The following PNLIP variants were observed in gnomAD, a reference collection of about 807,000 sequenced individuals.
The protein encoded by PNLIP is pancreatic triacylglycerol lipase.
A neutral mutation model predicts 57.1 loss-of-function variants in PNLIP; 49 were observed. The observed-to-expected ratio is 0.86, with a 90% CI of 0.68 to 1.09. The LOEUF is 1.09. Among genes scored for constraint, PNLIP ranks in the 50% least tolerant of loss-of-function variants. The pLI is 0.00. For missense variants in PNLIP, 503 were observed against 570.2 expected (o/e 0.88, Z 1.20); for synonymous variants, 209 against 200.4 (o/e 1.04, Z -0.36).
intron 12 of PNLIP, among the ~76,000 whole-genome samples, chr10:116,564,133 C>G (rs1040311873): frequency 6.6e-6 from 1 of 152,028 alleles, no homozygotes; most frequent in African/African-American, 2.4e-5. Flanking sequence ...TCAAAATGCT[C>G]AAACCAGGTA....
chr10:116,546,031 C>T (rs1847119020), intron 1 of PNLIP, 62 bp from the exon 2 acceptor site: 7 of 1,460,442 alleles, frequency 4.8e-6, no homozygotes, highest in Non-Finnish European at 6.7e-6. Context: ...TCTAAATGAA[C>T]TAAAACTTGC....
At position 116,555,499 on chromosome 10, in the gene PNLIP, T is replaced by A; in HGVS notation, c.803T>A (p.Ile268Asn). ...ILSQIVDIDG[I>N]WEGTRDFAAC... ...TCTCAGATTGTGGACATAGACGGAA[T>A]CTGGGAAGGTAGAACTATTATGTGT... The change falls in exon 8 of 13, where the codon ATC becomes AAC. Residue 268 changes from isoleucine to asparagine, a missense_variant. Coordinates refer to ENST00000369221, the MANE Select transcript of PNLIP (RefSeq NM_000936.4). 1 of 1,614,108 alleles carries A rather than the reference T, an allele frequency of 6.2e-7. No homozygotes were observed. Among genetic ancestry groups the A allele is most frequent in the Non-Finnish European group, 8.5e-7 (1 of 1,179,980 alleles).
intron 10 of PNLIP, among the ~76,000 whole-genome samples, chr10:116,559,501 C>T (rs1342044932): frequency 2.0e-5 from 3 of 152,048 alleles, no homozygotes; most frequent in African/African-American, 7.2e-5. Context: ...AAATAAGTTT[C>T]TTCATATTTG....
Position 116,550,613 on chromosome 10 carries a change from A to G in PNLIP, c.325-485A>G, listed in dbSNP as rs1483363722. On this transcript the variant is annotated intron_variant, in intron 4 of 12. Transcript: ENST00000369221. ...AAACTTATTTACCTTCAATGTATTT[A>G]TATAAGGGGTCCTAACATTGTCTTT... is the stretch of plus-strand genomic sequence containing the variant. 2.0e-5 allele frequency among the ~76,000 whole-genome samples: 3 copies of G among 152,338 alleles called. No individual in the cohort carries two copies. In the East Asian group the frequency reaches 5.8e-4, roughly 29 times the overall value.
intron 10 of PNLIP, among the ~76,000 whole-genome samples, chr10:116,559,636 C>T (rs1847292225): frequency 6.6e-6 from 1 of 152,004 alleles, no homozygotes; most frequent in Non-Finnish European, 1.5e-5. Flanking sequence ...AGAGAGATGG[C>T]AGAGGTTGTG....
chr10:116,565,702 C>T (rs2133210401), intron 12 of PNLIP, among the ~76,000 whole-genome samples: 1 of 152,206 alleles, frequency 6.6e-6, no homozygotes, highest in South Asian at 2.1e-4. Flanking sequence ...AGTGATTCAC[C>T]CACCTCGACC....
Position 116,565,681 on chromosome 10 carries a change from A to C in PNLIP, c.1335-2054A>C, listed in dbSNP as rs531450508. Among the ~76,000 whole-genome samples the C allele has an allele frequency of 2.0e-5, 3 of 152,240 alleles. No individual in the cohort carries two copies. In the East Asian group the frequency reaches 5.8e-4, roughly 29 times the overall value. On this transcript the variant is annotated intron_variant, in intron 12 of 12. Transcript: ENST00000369221. Reference sequence around the variant, plus strand: ...CACCATGTTGGTCAGGCTAGTCTCAAACTGACCTCAAGTGATTCACCCACC... The same window carrying C: ...CACCATGTTGGTCAGGCTAGTCTCACACTGACCTCAAGTGATTCACCCACC...
In PNLIP at chr10:116,559,185, G is replaced by A. The variant is rs754724329; in HGVS notation, c.962G>A (p.Cys321Tyr). 2.5e-6 allele frequency: 4 copies of A among 1,613,094 alleles called. No homozygotes were observed. The highest frequency in any genetic ancestry group is 3.4e-6 in the Non-Finnish European group (4 of 1,179,618). Residue 321 changes from cysteine (C) to tyrosine (Y), a missense_variant, in exon 10 of 13, where the codon TGC becomes TAC. Coordinates refer to ENST00000369221, the MANE Select transcript of PNLIP (RefSeq NM_000936.4). ...NKCFPCPSGGCPQMGHYADRY... is the reference protein window; with the variant it reads ...NKCFPCPSGGYPQMGHYADRY... The stretch of plus-strand genomic sequence containing the variant: ...TGTTTCCCTTGTCCAAGTGGAGGCT[G>A]CCCACAGATGGGTCACTATGCTGAT...
At chr10:116,557,857 A>G (rs1013698005) in intron 9 of PNLIP, among the ~76,000 whole-genome samples, 1 of 152,172 alleles carries the variant, frequency 6.6e-6, no homozygotes, top group African/African-American at 2.4e-5. Flanking sequence ...TCCAGGTATC[A>G]GCCTCACAGT....
rs1323715124 is a variant in PNLIP at position 116,545,973 on chromosome 10, T to A, written c.-1+15T>A. 2.4e-6 allele frequency: 2 copies of A among 837,952 alleles called. No homozygotes were observed. The highest frequency in any genetic ancestry group is 4.0e-6 in the Non-Finnish European group (2 of 497,002). 51.9% of individuals were successfully genotyped at this position (837,952 alleles called of 1,614,324 possible). On this transcript the variant is annotated intron_variant, in intron 1 of 12. Transcript: ENST00000369221. ...GAACTGCCACGGTGAGTCGGGAACA[T>A]GTTTTCCAGGCCTAATTGATCAGAA... is the stretch of plus-strand genomic sequence containing the variant.
At position 116,550,528 on chromosome 10, in the gene PNLIP, T is replaced by C. The variant is rs1847180107; in HGVS notation, c.325-570T>C. Among the ~76,000 whole-genome samples, 4 of 152,224 alleles carry C rather than the reference T, an allele frequency of 2.6e-5. No homozygotes were observed. The South Asian group carries it at 6.2e-4, about 24-fold the overall frequency. On this transcript the variant is annotated intron_variant, in intron 4 of 12. Coordinates refer to ENST00000369221, the MANE Select transcript of PNLIP (RefSeq NM_000936.4). Reference sequence around the variant, plus strand: ...TTCATGTGAAATATTAATAACTCTTTAGTGATGTACAATAAAACACGTTCA... The same window carrying C: ...TTCATGTGAAATATTAATAACTCTTCAGTGATGTACAATAAAACACGTTCA...
intron 5 of PNLIP, among the ~76,000 whole-genome samples, chr10:116,552,178 G>T (rs1847201040): frequency 6.6e-6 from 1 of 152,068 alleles, no homozygotes; most frequent in African/African-American, 2.4e-5. Context: ...GATAATAAAT[G>T]ATGACATTAC....
intron 6 of PNLIP, among the ~76,000 whole-genome samples, chr10:116,554,145 G>C (rs563283659): frequency 6.6e-6 from 1 of 152,220 alleles, no homozygotes; most frequent in Non-Finnish European, 1.5e-5. Context: ...TTGGTCTACA[G>C]CACTCTGTTT....
At chr10:116,558,775 C>T (rs2133205579) in intron 9 of PNLIP, among the ~76,000 whole-genome samples, 2 of 151,988 alleles carry the variant, frequency 1.3e-5, no homozygotes, top group Middle Eastern at 3.4e-3. Flanking sequence ...CAGGCGCCTG[C>T]CACCATGCTC....
rs777512503 is a variant in PNLIP at position 116,547,374 on chromosome 10, A to G, written c.127A>G (p.Ile43Val). 4.3e-5 allele frequency: 70 copies of G among 1,613,884 alleles called. No individual in the cohort carries two copies. The highest frequency in any genetic ancestry group is 5.9e-5 in the Non-Finnish European group (70 of 1,179,908). The change falls in exon 3 of 13, where the codon ATA becomes GTA. Residue 43 changes from isoleucine to valine, a missense_variant. Transcript: ENST00000369221. ...WSGITERPLH[I>V]LPWSPKDVNT... is the part of the protein sequence containing the mutation. Reference sequence around the variant, plus strand: ...AGGAATTACGGAAAGACCCCTCCATATATTGCCTTGGTCTCCAAAAGATGT... The same window carrying G: ...AGGAATTACGGAAAGACCCCTCCATGTATTGCCTTGGTCTCCAAAAGATGT...
At chr10:116,563,256 A>G (rs1032924389) in intron 12 of PNLIP, among the ~76,000 whole-genome samples, 1 of 152,166 alleles carries the variant, frequency 6.6e-6, no homozygotes, top group Admixed American at 6.5e-5. Context: ...TAGTTCCATT[A>G]TATGTACCAG....
rs975126689 is a variant in PNLIP, at chr10:116,546,138, G to A, written c.46G>A (p.Gly16Arg). The change falls in exon 2 of 13, where the codon GGA becomes AGA. Residue 16 changes from glycine to arginine, a missense_variant and splice_region_variant. Coordinates refer to ENST00000369221, the MANE Select transcript of PNLIP (RefSeq NM_000936.4). Reference protein sequence around the residue: ...TLSLLLGAVAGKEVCYERLGC... With the variant: ...TLSLLLGAVARKEVCYERLGC... Reference sequence around the variant, plus strand: ...TTCACTGCTGCTGGGAGCAGTAGCAGGTAAGAAAACAAATAAATGTTGAGC... The same window carrying A: ...TTCACTGCTGCTGGGAGCAGTAGCAAGTAAGAAAACAAATAAATGTTGAGC... 1.9e-6 allele frequency: 3 copies of A among 1,613,054 alleles called. No individual in the cohort carries two copies. The highest frequency in any genetic ancestry group is 1.6e-4 in the Middle Eastern group (1 of 6,084).
intron 5 of PNLIP, among the ~76,000 whole-genome samples, chr10:116,551,904 G>A (rs547793493): frequency 1.1e-4 from 17 of 152,282 alleles, no homozygotes; most frequent in South Asian, 2.1e-4. Flanking sequence ...CCCTCTGCGC[G>A]CCTCATTGAA....
intron 5 of PNLIP, 189 bp downstream of exon 5, chr10:116,551,421 T>C (rs1847191226): frequency 2.5e-6 from 1 of 398,306 alleles, no homozygotes. Context: ...TAACCCATTA[T>C]GTTAATAAAC....
Sources: gnomAD v4.1 joint callset for allele counts (sites outside exome capture counted in the v4.1 genomes callset) on GRCh38, gnomAD v4.1.1 for gene constraint, MANE v1.5 for transcripts, NCBI Gene and HGNC (gene_info 2026-07-23, HGNC 2026-07-21) for gene names.